The following AGAP1 variants were observed in gnomAD, a reference collection of about 807,000 sequenced individuals.
AGAP1 encodes ArfGAP with GTPase domain, ankyrin repeat and PH domain 1.
In AGAP1, 29 loss-of-function variants were observed where a neutral mutation model predicts 105.3. The ratio of observed to expected loss-of-function variants is 0.28; its 90% CI spans 0.21 to 0.38. The LOEUF (loss-of-function observed/expected upper bound fraction) is 0.38. Ranked by LOEUF, AGAP1 falls within the 10% of genes least tolerant of loss-of-function variation. The pLI is 1.00. For missense variants in AGAP1, 998 were observed against 1,165.1 expected (o/e 0.86, Z 2.09); for synonymous variants, 509 against 485.9 (o/e 1.05, Z -0.63).
chr2:235,665,656 G>GT lies in AGAP1; in HGVS notation c.164-43522dup, dbSNP rs1278847692. ...TCTTGGTAATTGCTTCTTCTTACAT[G>GT]TATCTGTCAGTCAACTGGCTACCAG... On this transcript the variant is annotated intron_variant, in intron 1 of 17. Transcript: ENST00000304032. This position sits in a 1 kb window ranked among gnomAD's most constrained non-coding sequence, Gnocchi z 5.3. 3.9e-5 allele frequency among the ~76,000 whole-genome samples: 6 copies of GT among 152,066 alleles called. No individual in the cohort carries two copies. The highest frequency in any genetic ancestry group is 7.4e-5 in the Non-Finnish European group (5 of 68,020).
In AGAP1 at chr2:235,788,799, G is replaced by A. The variant is rs758334457; in HGVS notation, c.674-8960G>A. Among the ~76,000 whole-genome samples the A allele has an allele frequency of 1.3e-5, 2 of 152,174 alleles. No homozygotes were observed. The highest frequency in any genetic ancestry group is 2.1e-4 in the South Asian group (1 of 4,822). ...GCCCTCAGAAGCGCGCATTCAGACC[G>A]GCAGTAGACAAAACCAGCTGCGGGG... On this transcript the variant is annotated intron_variant, in intron 6 of 17. Transcript: ENST00000304032. The surrounding 1 kb of genome is among the most constrained non-coding windows in gnomAD (Gnocchi z 6.0).
rs1459660861 is a variant in AGAP1 at position 235,690,228 on chromosome 2, A to G, written c.164-18951A>G. ...TTTACCACTCAGAGAACTTTAGTACACAGTCTTAAACAACCCTGGAATGTT... is the reference window on the plus strand; with the variant it reads ...TTTACCACTCAGAGAACTTTAGTACGCAGTCTTAAACAACCCTGGAATGTT... On this transcript the variant is annotated intron_variant, in intron 1 of 17. Coordinates refer to ENST00000304032, the MANE Select transcript of AGAP1 (RefSeq NM_001037131.3). The surrounding 1 kb of genome is among the most constrained non-coding windows in gnomAD (Gnocchi z 4.1). 6.6e-6 allele frequency among the ~76,000 whole-genome samples: 1 copy of G among 151,996 alleles called. No individual in the cohort carries two copies. The highest frequency in any genetic ancestry group is 1.9e-4 in the East Asian group (1 of 5,152).
At chr2:236,024,030 T>TG (rs368820744) in intron 13 of AGAP1, among the ~76,000 whole-genome samples, 291 of 112,952 alleles carry the variant, frequency 2.6e-3, no homozygotes, top group African/African-American at 7.5e-3. Context: ...TGTTTTTTTT[T>TG]TTTGTTTTTT....
At chr2:235,966,374 G>A (rs193301033) in intron 12 of AGAP1, among the ~76,000 whole-genome samples, 1 of 152,004 alleles carries the variant, frequency 6.6e-6, no homozygotes, top group African/African-American at 2.4e-5. Flanking sequence ...AGGGCGAGAA[G>A]GCCAGTAGAG....
chr2:236,125,422 G>T lies in AGAP1; in HGVS notation c.*1300G>T, dbSNP rs2059987660. On this transcript the variant is annotated 3_prime_UTR_variant, in exon 18 of 18. Coordinates refer to ENST00000304032, the MANE Select transcript of AGAP1 (RefSeq NM_001037131.3). The surrounding 1 kb of genome is among the most constrained non-coding windows in gnomAD (Gnocchi z 5.2). Reference sequence around the variant, plus strand: ...TAATGTGATCTACGGCTTTTGAAAAGGAGCATCTCAGAATAAGATGGTGGT... The same window carrying T: ...TAATGTGATCTACGGCTTTTGAAAATGAGCATCTCAGAATAAGATGGTGGT... 1 of 152,232 alleles carries T rather than the reference G, an allele frequency of 6.6e-6. No homozygotes were observed. The allele number at this position is 152,232 out of a possible 1,614,324, so 9.4% of individuals were successfully genotyped here.
intron 6 of AGAP1, among the ~76,000 whole-genome samples, chr2:235,786,791 G>A (rs1282531367): frequency 1.3e-5 from 2 of 152,204 alleles, no homozygotes; most frequent in African/African-American, 4.8e-5. Context: ...AGGTCTTGAA[G>A]AAGCACCTCA....
chr2:235,728,921 C>T lies in AGAP1; in HGVS notation c.310+11277C>T, dbSNP rs1180310999. 6.6e-6 allele frequency among the ~76,000 whole-genome samples: 1 copy of T among 151,504 alleles called. No homozygotes were observed. The highest frequency in any genetic ancestry group is 2.4e-5 in the African/African-American group (1 of 40,842). On this transcript the variant is annotated intron_variant, in intron 3 of 17. Transcript: ENST00000304032. This position sits in a 1 kb window ranked among gnomAD's most constrained non-coding sequence, Gnocchi z 4.3. ...AGAGCAGGGGTTGTGGAGGAATGGT[C>T]AAAACCCAGGCGTGATGTGACCACA...
At chr2:235,907,261 C>T (rs1263118639) in intron 10 of AGAP1, among the ~76,000 whole-genome samples, 3 of 152,222 alleles carry the variant, frequency 2.0e-5, no homozygotes, top group African/African-American at 7.2e-5. Flanking sequence ...CACTTCTCCA[C>T]CCTGCCTCGG....
At position 236,012,401 on chromosome 2, in the gene AGAP1, C is replaced by A. The variant is rs183398005; in HGVS notation, c.1646-24160C>A. ...CATGGCTACCTCTTTCTGGAACTTG[C>A]GAAATACTGTCCCAGACACCAGAGC... is the stretch of plus-strand genomic sequence containing the variant. On this transcript the variant is annotated intron_variant, in intron 13 of 17. Coordinates refer to ENST00000304032, the MANE Select transcript of AGAP1 (RefSeq NM_001037131.3). This position sits in a 1 kb window ranked among gnomAD's most constrained non-coding sequence, Gnocchi z 4.9. Among the ~76,000 whole-genome samples, 6 of 152,042 alleles carry A rather than the reference C, an allele frequency of 3.9e-5. No individual in the cohort carries two copies. Among genetic ancestry groups the A allele is most frequent in the African/African-American group, 1.4e-4 (6 of 41,404 alleles).
chr2:235,918,832 G>T (rs1236109994), intron 11 of AGAP1, among the ~76,000 whole-genome samples: 2 of 152,012 alleles, frequency 1.3e-5, no homozygotes, highest in Non-Finnish European at 2.9e-5. Flanking sequence ...AGTAAGTATT[G>T]TACTTCCTAA....
In AGAP1 at chr2:235,983,462, TTC is replaced by T. The variant is rs1187809535; in HGVS notation, c.1645+14841_1645+14842del. On this transcript the variant is annotated intron_variant, in intron 13 of 17. Coordinates refer to ENST00000304032, the MANE Select transcript of AGAP1 (RefSeq NM_001037131.3). The surrounding 1 kb of genome is among the most constrained non-coding windows in gnomAD (Gnocchi z 4.5). ...ACTGTCCTTGCTTCTCTTGTTTAAT[TTC>T]TTTTTTCTTCTTTTCCCATCCATAA... Among the ~76,000 whole-genome samples, 1 of 152,212 alleles carries T rather than the reference TTC, an allele frequency of 6.6e-6. No homozygotes were observed. The highest frequency in any genetic ancestry group is 1.9e-4 in the East Asian group (1 of 5,196).
At chr2:235,928,423 G>C (rs1025847395) in intron 11 of AGAP1, among the ~76,000 whole-genome samples, 1 of 152,184 alleles carries the variant, frequency 6.6e-6, no homozygotes, top group African/African-American at 2.4e-5. Context: ...AGGAGAGAGG[G>C]GGTCACCCAG....
At position 235,739,410 on chromosome 2, in the gene AGAP1, G is replaced by T. The variant is rs1417944775; in HGVS notation, c.311-1553G>T. On this transcript the variant is annotated intron_variant, in intron 3 of 17. Coordinates refer to ENST00000304032, the MANE Select transcript of AGAP1 (RefSeq NM_001037131.3). This position sits in a 1 kb window ranked among gnomAD's most constrained non-coding sequence, Gnocchi z 5.3. The stretch of plus-strand genomic sequence containing the variant: ...GTCTTTGGGACCCTCGTGCAGCTGG[G>T]GCTCACCCTGTCTGGACCCAGCGGC... Among the ~76,000 whole-genome samples, 2 of 152,206 alleles carry T rather than the reference G, an allele frequency of 1.3e-5. No individual in the cohort carries two copies. Among genetic ancestry groups the T allele is most frequent in the Non-Finnish European group, 2.9e-5 (2 of 68,050 alleles).
intron 11 of AGAP1, among the ~76,000 whole-genome samples, chr2:235,923,094 G>A (rs910930426): frequency 2.6e-5 from 4 of 152,154 alleles, no homozygotes; most frequent in African/African-American, 9.7e-5. Context: ...ATCCGTAGAT[G>A]GGGTATTTGA....
intron 16 of AGAP1, among the ~76,000 whole-genome samples, chr2:236,069,581 G>A (rs1164396989): frequency 6.6e-6 from 1 of 152,042 alleles, no homozygotes; most frequent in Non-Finnish European, 1.5e-5. Context: ...ACGCCACCAC[G>A]CCTGGCTAAC....
intron 1 of AGAP1, among the ~76,000 whole-genome samples, chr2:235,684,366 C>T (rs184002451): frequency 2.6e-5 from 4 of 152,128 alleles, no homozygotes; most frequent in South Asian, 2.1e-4. Context: ...AAGGCAATCA[C>T]GAGACCCAGC....
intron 1 of AGAP1, among the ~76,000 whole-genome samples, chr2:235,564,017 G>A (rs1944256694): frequency 6.6e-6 from 1 of 152,170 alleles, no homozygotes; most frequent in Admixed American, 6.5e-5. Flanking sequence ...GTGGGAGAGT[G>A]CATGTGTCAT....
At chr2:235,602,005 C>T (rs915046547) in intron 1 of AGAP1, among the ~76,000 whole-genome samples, 1 of 152,178 alleles carries the variant, frequency 6.6e-6, no homozygotes, top group African/African-American at 2.4e-5. Context: ...TCCTGGGCCT[C>T]ACACCTGCAG....
chr2:236,033,603 C>T (rs2057290782), intron 13 of AGAP1, among the ~76,000 whole-genome samples: 1 of 152,212 alleles, frequency 6.6e-6, no homozygotes, highest in South Asian at 2.1e-4. Flanking sequence ...CAGTCATCTG[C>T]CTGAGTGTGT....
Sources: allele counts gnomAD v4.1 joint callset (sites outside exome capture counted in the v4.1 genomes callset), GRCh38; gene constraint gnomAD v4.1.1; non-coding constraint Gnocchi (gnomAD v3.1); transcripts MANE v1.5; gene names NCBI Gene and HGNC (gene_info 2026-07-23, HGNC 2026-07-21).